PGCKA1: variants seen among roughly 807,000 people sequenced by gnomAD.
PGCKA1 encodes PDCD10 and GCKIII kinases-associated protein 1.
the PGCKA1 span, among the ~76,000 whole-genome samples, chr4:37,472,572 T>C: frequency 6.6e-6 from 1 of 152,222 alleles, no homozygotes; most frequent in Non-Finnish European, 1.5e-5. Context: ...CCCATTCCAG[T>C]TCACTCAACA....
At chr4:37,551,818 ACTT>A in the PGCKA1 span, among the ~76,000 whole-genome samples, 1 of 152,222 alleles carries the variant, frequency 6.6e-6, no homozygotes, top group African/African-American at 2.4e-5. Context: ...TACTACCTGT[ACTT>A]CTTCAAATGA....
chr4:37,490,016 TAAAAAA>T, the PGCKA1 span, among the ~76,000 whole-genome samples: 5 of 150,354 alleles, frequency 3.3e-5, no homozygotes, highest in Non-Finnish European at 1.5e-5. Flanking sequence ...TTACATAACT[TAAAAAA>T]AAAGAAAAGA....
the PGCKA1 span, among the ~76,000 whole-genome samples, chr4:37,512,454 C>CTTTTTT: frequency 1.1e-4 from 14 of 126,958 alleles, no homozygotes; most frequent in African/African-American, 3.7e-4. Context: ...GTGTTGATTT[C>CTTTTTT]TTTTTTTTTT....
the PGCKA1 span, among the ~76,000 whole-genome samples, chr4:37,541,145 A>C: frequency 6.6e-6 from 1 of 152,106 alleles, no homozygotes; most frequent in Non-Finnish European, 1.5e-5. Flanking sequence ...GAAATCTCGC[A>C]GAGTCAGGCA....
the PGCKA1 span, among the ~76,000 whole-genome samples, chr4:37,565,294 C>T: frequency 2.0e-5 from 3 of 152,178 alleles, no homozygotes; most frequent in Non-Finnish European, 4.4e-5. Flanking sequence ...CTTCTCCCCC[C>T]AAAACCTTCG....
chr4:37,543,419 A>G, the PGCKA1 span, among the ~76,000 whole-genome samples: 5 of 152,214 alleles, frequency 3.3e-5, no homozygotes, highest in African/African-American at 1.2e-4. Flanking sequence ...TGCAGGTAGC[A>G]AAGGGCTTGT....
At chr4:37,578,341 A>C in the PGCKA1 span, among the ~76,000 whole-genome samples, 2 of 152,058 alleles carry the variant, frequency 1.3e-5, no homozygotes, top group Admixed American at 1.3e-4. Flanking sequence ...CTTGAAATCT[A>C]TTTTGTCTGA....
At chr4:37,502,631 G>T in the PGCKA1 span, among the ~76,000 whole-genome samples, 49 of 152,290 alleles carry the variant, frequency 3.2e-4, no homozygotes, top group African/African-American at 1.0e-3. Context: ...GGGTGCGTGC[G>T]CACATGGGTG....
At chr4:37,518,286 C>T in the PGCKA1 span, among the ~76,000 whole-genome samples, 1 of 152,148 alleles carries the variant, frequency 6.6e-6, no homozygotes, top group Non-Finnish European at 1.5e-5. Context: ...GGTATGTACC[C>T]AGCAGTGGGA....
the PGCKA1 span, among the ~76,000 whole-genome samples, chr4:37,583,499 C>T: frequency 6.6e-6 from 1 of 151,220 alleles, no homozygotes; most frequent in Non-Finnish European, 1.5e-5. Context: ...TGCAGTGGTG[C>T]GATCTCGGCT....
the PGCKA1 span, among the ~76,000 whole-genome samples, chr4:37,583,160 A>G: frequency 6.6e-6 from 1 of 152,208 alleles, no homozygotes; most frequent in Non-Finnish European, 1.5e-5. Context: ...TAAAACTTCT[A>G]CAAGTGGATT....
At chr4:37,456,703 A>G in the PGCKA1 span, among the ~76,000 whole-genome samples, 1 of 152,238 alleles carries the variant, frequency 6.6e-6, no homozygotes, top group African/African-American at 2.4e-5. Context: ...CTGGGGACAC[A>G]GTCCTTGTCT....
At chr4:37,528,332 T>A in the PGCKA1 span, among the ~76,000 whole-genome samples, 1 of 152,174 alleles carries the variant, frequency 6.6e-6, no homozygotes, top group East Asian at 1.9e-4. Flanking sequence ...TAGTGCTCAC[T>A]GTTTGGTTTT....
the PGCKA1 span, among the ~76,000 whole-genome samples, chr4:37,582,919 TATG>T: frequency 6.6e-6 from 1 of 152,204 alleles, no homozygotes; most frequent in Admixed American, 6.5e-5. Flanking sequence ...CAATTATTAT[TATG>T]ATGGCTATCA....
At chr4:37,543,320 A>G in the PGCKA1 span, among the ~76,000 whole-genome samples, 2 of 152,222 alleles carry the variant, frequency 1.3e-5, no homozygotes, top group East Asian at 3.8e-4. Context: ...AATTTGGGTT[A>G]GAGGAATTTT....
chr4:37,528,531 A>G, the PGCKA1 span, among the ~76,000 whole-genome samples: 1 of 152,192 alleles, frequency 6.6e-6, no homozygotes, highest in Non-Finnish European at 1.5e-5. Flanking sequence ...AAGAAGAACT[A>G]ACAGAAGAGC....
At chr4:37,517,070 A>T in the PGCKA1 span, among the ~76,000 whole-genome samples, 87,415 of 151,598 alleles carry the variant, frequency 0.58, 25,532 homozygotes, top group South Asian at 0.67. Flanking sequence ...GCCAACATGA[A>T]GAAACCCTGT....
the PGCKA1 span, among the ~76,000 whole-genome samples, chr4:37,542,986 C>G: frequency 6.6e-6 from 1 of 152,148 alleles, no homozygotes; most frequent in Non-Finnish European, 1.5e-5. Context: ...CTGGCTCATT[C>G]AGAAGCCAGA....
chr4:37,520,550 A>AT, the PGCKA1 span, among the ~76,000 whole-genome samples: 1 of 152,174 alleles, frequency 6.6e-6, no homozygotes, highest in African/African-American at 2.4e-5. Flanking sequence ...ATTGACATAT[A>AT]GTTGCTCATA....
Sources: allele counts gnomAD v4.1 joint callset (sites outside exome capture counted in the v4.1 genomes callset), GRCh38; gene constraint gnomAD v4.1.1; transcripts MANE v1.5; gene names NCBI Gene and HGNC (gene_info 2026-07-23, HGNC 2026-07-21).